The following METTL24 variants were observed in gnomAD, a reference collection of about 807,000 sequenced individuals.
METTL24 encodes the protein probable methyltransferase-like protein 24.
METTL24 carries 29 observed loss-of-function variants against 32.7 expected under a neutral mutation model. That is an observed-to-expected ratio of 0.89 (90% CI 0.66 to 1.21). The LOEUF (loss-of-function observed/expected upper bound fraction) is 1.21, where lower values mean the gene tolerates loss of function less well. Ranked by LOEUF, METTL24 falls within the 50% of genes most tolerant of loss-of-function variation. METTL24 has a pLI of 0.00. For synonymous variants in METTL24, 163 were observed against 179.5 expected (o/e 0.91, Z 0.73); for missense variants, 439 against 468.1 (o/e 0.94, Z 0.57).
intron 3 of METTL24, among the ~76,000 whole-genome samples, chr6:110,301,369 CA>C (rs1208429533): frequency 1.3e-5 from 2 of 152,216 alleles, no homozygotes; most frequent in African/African-American, 4.8e-5. Flanking sequence ...GCACCATCCA[CA>C]CTACTCCATG....
intron 3 of METTL24, among the ~76,000 whole-genome samples, chr6:110,299,374 G>C (rs1231938949): frequency 1.3e-5 from 2 of 151,976 alleles, no homozygotes; most frequent in African/African-American, 2.4e-5. Flanking sequence ...AAAGACCAGA[G>C]AATCACATAC....
intron 4 of METTL24, among the ~76,000 whole-genome samples, chr6:110,253,494 G>T (rs1562216085): frequency 6.6e-6 from 1 of 152,136 alleles, no homozygotes; most frequent in Non-Finnish European, 1.5e-5. Flanking sequence ...AAAGTTACTT[G>T]TATTGTGTCA....
intron 4 of METTL24, among the ~76,000 whole-genome samples, chr6:110,273,672 G>C (rs1770994902): frequency 6.6e-6 from 1 of 152,106 alleles, no homozygotes; most frequent in Non-Finnish European, 1.5e-5. Context: ...ACCACAATAA[G>C]ATACCACCTT....
chr6:110,304,865 C>T (rs1333118173), intron 3 of METTL24, among the ~76,000 whole-genome samples: 6 of 152,158 alleles, frequency 3.9e-5, no homozygotes, highest in Non-Finnish European at 8.8e-5. Context: ...TCAGATTCAC[C>T]AAGGTTGAAA....
At chr6:110,343,374 G>A (rs184129324) in intron 1 of METTL24, among the ~76,000 whole-genome samples, 53 of 152,286 alleles carry the variant, frequency 3.5e-4, no homozygotes, top group African/African-American at 1.1e-3. Context: ...TAAGAACAAT[G>A]AACATATAAT....
rs570777063 is a variant in METTL24, at chr6:110,317,812, G to T, written c.418-2331C>A. 2.6e-4 allele frequency among the ~76,000 whole-genome samples: 39 copies of T among 152,100 alleles called. No homozygotes were observed. The East Asian group carries it at 6.4e-3, about 25-fold the overall frequency. ...CGCCTACATCAGAATCACCTGGGAG[G>T]TACTTAAAATGCAGATTCCTGGGCC... is the stretch of plus-strand genomic sequence containing the variant. On this transcript the variant is annotated intron_variant, in intron 2 of 4. Transcript: ENST00000338882.
chr6:110,260,568 C>A (rs964811317), intron 4 of METTL24, among the ~76,000 whole-genome samples: 16 of 152,128 alleles, frequency 1.1e-4, no homozygotes, highest in African/African-American at 3.9e-4. Flanking sequence ...AGAACTTCCC[C>A]AACCAAGTAA....
chr6:110,289,169 CA>C (rs1771276378), intron 4 of METTL24, among the ~76,000 whole-genome samples: 2 of 152,124 alleles, frequency 1.3e-5, no homozygotes, highest in Admixed American at 6.5e-5. Flanking sequence ...AAAACCAAAC[CA>C]AAAACCTTCT....
intron 1 of METTL24, chr6:110,357,371 G>A (rs1345288370): frequency 6.6e-6 from 1 of 152,182 alleles, no homozygotes; most frequent in Non-Finnish European, 1.5e-5. Context: ...TTCTCATTAA[G>A]TGGGGCTGGG....
intron 4 of METTL24, among the ~76,000 whole-genome samples, chr6:110,295,132 C>A (rs745868874): frequency 6.7e-6 from 1 of 149,534 alleles, no homozygotes; most frequent in Non-Finnish European, 1.5e-5. Context: ...AGTCAATCCT[C>A]CTATGTCAGC....
intron 2 of METTL24, among the ~76,000 whole-genome samples, chr6:110,319,780 T>C (rs543668861): frequency 3.3e-5 from 5 of 152,090 alleles, no homozygotes; most frequent in African/African-American, 1.2e-4. Flanking sequence ...CCAAACACCA[T>C]ATCCTCTGGA....
At chr6:110,344,453 C>T (rs1772428611) in intron 1 of METTL24, among the ~76,000 whole-genome samples, 1 of 152,098 alleles carries the variant, frequency 6.6e-6, no homozygotes, top group South Asian at 2.1e-4. Context: ...AATACTTAAA[C>T]TTTGTGAGCC....
chr6:110,338,359 G>A (rs184954527), intron 1 of METTL24, among the ~76,000 whole-genome samples: 1 of 152,108 alleles, frequency 6.6e-6, no homozygotes, highest in Non-Finnish European at 1.5e-5. Context: ...TTAGCTGGGC[G>A]TGATGGTGCA....
intron 1 of METTL24, among the ~76,000 whole-genome samples, chr6:110,342,823 A>G (rs1772386121): frequency 6.6e-6 from 1 of 152,106 alleles, no homozygotes. Flanking sequence ...GCCTTTTGTG[A>G]TTGCTTTTAC....
chr6:110,281,246 G>A (rs1771130274), intron 4 of METTL24, among the ~76,000 whole-genome samples: 2 of 152,120 alleles, frequency 1.3e-5, no homozygotes, highest in South Asian at 2.1e-4. Flanking sequence ...AGGCAAGTTG[G>A]AAGAAAAACC....
At chr6:110,251,630 G>C (rs1002231931) in intron 4 of METTL24, among the ~76,000 whole-genome samples, 1 of 152,202 alleles carries the variant, frequency 6.6e-6, no homozygotes, top group African/African-American at 2.4e-5. Context: ...CAGTTCTGAA[G>C]GCTGGGAAGT....
intron 4 of METTL24, among the ~76,000 whole-genome samples, chr6:110,271,568 T>C (rs1016979798): frequency 2.6e-5 from 4 of 152,214 alleles, no homozygotes; most frequent in African/African-American, 9.6e-5. Context: ...CTGAAAATTT[T>C]CACCCACACA....
chr6:110,323,552 G>T (rs1235761160), intron 1 of METTL24, among the ~76,000 whole-genome samples: 1 of 152,216 alleles, frequency 6.6e-6, no homozygotes, highest in Non-Finnish European at 1.5e-5. Context: ...TTGTAGCAAG[G>T]ATGGGTGGAT....
intron 1 of METTL24, among the ~76,000 whole-genome samples, chr6:110,334,624 C>A (rs1469544687): frequency 6.6e-6 from 1 of 152,212 alleles, no homozygotes; most frequent in Non-Finnish European, 1.5e-5. Context: ...AGCAAAGCCA[C>A]ACACCATTTA....
Sources: gnomAD v4.1 joint callset for allele counts (sites outside exome capture counted in the v4.1 genomes callset) on GRCh38, gnomAD v4.1.1 for gene constraint, MANE v1.5 for transcripts, NCBI Gene and HGNC (gene_info 2026-07-23, HGNC 2026-07-21) for gene names.